SAMD12: variants seen among roughly 807,000 people sequenced by gnomAD.
SAMD12 encodes sterile alpha motif domain containing 12.
A neutral mutation model predicts 15.0 loss-of-function variants in SAMD12; 9 were observed. The observed-to-expected ratio is 0.60, with a 90% CI of 0.36 to 1.05. The LOEUF (loss-of-function observed/expected upper bound fraction) is 1.05, where lower values mean the gene tolerates loss of function less well. Among genes scored for constraint, SAMD12 ranks in the 50% least tolerant of loss-of-function variants. The probability of loss-of-function intolerance (pLI) is 0.01; values close to 1 mark genes in which losing one functional copy is unlikely to be tolerated. For synonymous variants in SAMD12, 86 were observed against 90.1 expected (o/e 0.96, Z 0.25); for missense variants, 230 against 234.2 (o/e 0.98, Z 0.12).
At chr8:118,228,030 G>A (rs915041973) in intron 4 of SAMD12, among the ~76,000 whole-genome samples, 3 of 152,206 alleles carry the variant, frequency 2.0e-5, no homozygotes, top group Non-Finnish European at 4.4e-5. Context: ...AATGTAAAGT[G>A]AGGAAAGGAC....
intron 2 of SAMD12, among the ~76,000 whole-genome samples, chr8:118,561,243 A>G (rs1333979955): frequency 6.6e-6 from 1 of 152,230 alleles, no homozygotes; most frequent in Non-Finnish European, 1.5e-5. Flanking sequence ...TTGATAATGT[A>G]TAGCAAATAA....
intron 2 of SAMD12, among the ~76,000 whole-genome samples, chr8:118,568,544 A>G (rs1379627105): frequency 1.3e-5 from 2 of 152,240 alleles, no homozygotes; most frequent in African/African-American, 2.4e-5. Context: ...TATAATGAAT[A>G]TTGTGAAAAC....
At chr8:118,495,581 A>C (rs1408336630) in intron 2 of SAMD12, among the ~76,000 whole-genome samples, 1 of 141,074 alleles carries the variant, frequency 7.1e-6, no homozygotes, top group African/African-American at 2.7e-5. Context: ...TTATCTCTTT[A>C]ATTTGTCTAA....
chr8:118,531,161 C>T (rs1825673337), intron 2 of SAMD12, among the ~76,000 whole-genome samples: 1 of 152,200 alleles, frequency 6.6e-6, no homozygotes, highest in Non-Finnish European at 1.5e-5. Flanking sequence ...AGCCAGTTTT[C>T]CCAGCACCAT....
chr8:118,455,593 A>C (rs1563870833), intron 2 of SAMD12, among the ~76,000 whole-genome samples: 1 of 152,080 alleles, frequency 6.6e-6, no homozygotes, highest in African/African-American at 2.4e-5. Context: ...AATGACTCTC[A>C]AGTTTATTAT....
chr8:118,385,509 C>A (rs1277724488), intron 3 of SAMD12, among the ~76,000 whole-genome samples: 1 of 152,180 alleles, frequency 6.6e-6, no homozygotes, highest in African/African-American at 2.4e-5. Context: ...TTGCCAGCCT[C>A]CATAATTACA....
At chr8:118,474,505 C>A (rs886081330) in intron 2 of SAMD12, among the ~76,000 whole-genome samples, 1 of 151,738 alleles carries the variant, frequency 6.6e-6, no homozygotes, top group Non-Finnish European at 1.5e-5. Context: ...CTCAGCCTCC[C>A]GAGTAGCTGG....
At chr8:118,183,132 CT>C in the SAMD12 span, among the ~76,000 whole-genome samples, 1 of 152,212 alleles carries the variant, frequency 6.6e-6, no homozygotes, top group African/African-American at 2.4e-5. Context: ...GTACAATCTC[CT>C]GTTGTATTCC....
At chr8:118,345,476 G>GT (rs1446009725) in intron 4 of SAMD12, among the ~76,000 whole-genome samples, 2 of 152,228 alleles carry the variant, frequency 1.3e-5, no homozygotes, top group Admixed American at 1.3e-4. Flanking sequence ...GGAAAGGTTA[G>GT]TAGTGGTACA....
intron 2 of SAMD12, among the ~76,000 whole-genome samples, chr8:118,573,349 G>A (rs1395133242): frequency 6.6e-6 from 1 of 152,174 alleles, no homozygotes; most frequent in African/African-American, 2.4e-5. Context: ...GCCTCCCAAA[G>A]TGCTGGGATT....
intron 4 of SAMD12, among the ~76,000 whole-genome samples, chr8:118,236,933 G>A (rs1294289163): frequency 6.6e-6 from 1 of 152,116 alleles, no homozygotes; most frequent in Non-Finnish European, 1.5e-5. Flanking sequence ...AAGGGCAGAA[G>A]GGACATAGTT....
At chr8:118,158,850 C>T in the SAMD12 span, among the ~76,000 whole-genome samples, 1 of 152,034 alleles carries the variant, frequency 6.6e-6, no homozygotes, top group Non-Finnish European at 1.5e-5. Context: ...CAGTTGAGAG[C>T]TGAACAGACA....
chr8:118,320,099 A>G (rs891328079), intron 4 of SAMD12, among the ~76,000 whole-genome samples: 1 of 152,178 alleles, frequency 6.6e-6, no homozygotes, highest in Non-Finnish European at 1.5e-5. Flanking sequence ...GAAGCAAGAG[A>G]GCCCCTTGAA....
intron 2 of SAMD12, among the ~76,000 whole-genome samples, chr8:118,534,842 T>A (rs1825793259): frequency 6.6e-6 from 1 of 152,168 alleles, no homozygotes; most frequent in Admixed American, 6.5e-5. Context: ...TAGCCATTCA[T>A]CCAATGTTTT....
intron 4 of SAMD12, among the ~76,000 whole-genome samples, chr8:118,281,532 A>G (rs370356440): frequency 7.2e-5 from 11 of 152,370 alleles, no homozygotes; most frequent in African/African-American, 2.2e-4. Flanking sequence ...ATTTTTAGGA[A>G]TAGGTCTGCT....
intron 1 of SAMD12, among the ~76,000 whole-genome samples, chr8:118,592,567 A>G (rs1827609152): frequency 6.6e-6 from 1 of 152,266 alleles, no homozygotes; most frequent in Non-Finnish European, 1.5e-5. Context: ...TAATTAAAGC[A>G]TATTTAAAGT....
intron 2 of SAMD12, among the ~76,000 whole-genome samples, chr8:118,524,447 T>A (rs979051877): frequency 6.6e-6 from 1 of 152,072 alleles, no homozygotes; most frequent in African/African-American, 2.4e-5. Context: ...CTCCCTGATT[T>A]CTAAATATTG....
Position 118,418,644 on chromosome 8 carries a change from G to A in SAMD12, c.322+21188C>T, listed in dbSNP as rs978505815. On this transcript the variant is annotated intron_variant, in intron 3 of 3. Coordinates refer to ENST00000314727, the MANE Select transcript of SAMD12 (RefSeq NM_207506.3). ...TGAGGCAGGAGAATGGCATGAACCC[G>A]GGAAGTGGAGCTTGCAGTGAGCCGA... is the stretch of plus-strand genomic sequence containing the variant. Among the ~76,000 whole-genome samples, 10 of 152,068 alleles carry A rather than the reference G, an allele frequency of 6.6e-5. 1 individual carries two copies. Among genetic ancestry groups the A allele is most frequent in the Non-Finnish European group, 2.9e-5 (2 of 67,986 alleles).
intron 3 of SAMD12, among the ~76,000 whole-genome samples, chr8:118,386,392 C>A (rs1003787199): frequency 2.6e-5 from 4 of 152,126 alleles, no homozygotes; most frequent in Admixed American, 2.6e-4. Flanking sequence ...CTTTGTCTTA[C>A]AAAGGCACTT....
Sources: allele counts gnomAD v4.1 joint callset (sites outside exome capture counted in the v4.1 genomes callset), GRCh38; gene constraint gnomAD v4.1.1; transcripts MANE v1.5; gene names NCBI Gene and HGNC (gene_info 2026-07-23, HGNC 2026-07-21).